Variants in PRB4 observed in about 807,000 individuals in gnomAD.
PRB4 encodes the protein basic salivary proline-rich protein 4.
PRB4 carries 14 observed loss-of-function variants against 9.1 expected under a neutral mutation model. The observed-to-expected ratio is 1.54, with a 90% CI of 1.02 to 2.41. The LOEUF (loss-of-function observed/expected upper bound fraction) is 2.41, where lower values mean the gene tolerates loss of function less well. Ranked by LOEUF, PRB4 falls within the 30% of genes most tolerant of loss-of-function variation. PRB4 has a pLI of 0.00. For synonymous variants in PRB4, 102 were observed against 108.5 expected, an observed-to-expected ratio of 0.94 and a Z score of 0.37; for missense variants, 381 against 299.3, an observed-to-expected ratio of 1.27 and a Z score of -2.02.
chr12:11,308,141 T>C lies in PRB4; in HGVS notation c.*18+80A>G, dbSNP rs191290296. On this transcript the variant is annotated intron_variant, in intron 3 of 3. Transcript: ENST00000279575. ...TCTAGGACAATACAATGTCAATGGGTTTTAGTTGATTCATTGGCACAATAA... is the reference window on the plus strand; with the variant it reads ...TCTAGGACAATACAATGTCAATGGGCTTTAGTTGATTCATTGGCACAATAA... 6 of 1,487,200 alleles carry C rather than the reference T, an allele frequency of 4.0e-6. No individual in the cohort carries two copies. The East Asian group carries it at 1.1e-4, about 28-fold the overall frequency. The allele number at this position is 1,487,200 out of a possible 1,614,324, so 92.1% of individuals were successfully genotyped here.
chr12:11,307,536 T>A lies in PRB4; in HGVS notation c.*19-337A>T, dbSNP rs571181141. 8.7e-4 allele frequency among the ~76,000 whole-genome samples: 132 copies of A among 152,304 alleles called. 1 individual carries two copies. The Middle Eastern group carries it at 0.014, about 16-fold the overall frequency. On this transcript the variant is annotated intron_variant, in intron 3 of 3. Coordinates refer to ENST00000279575, the MANE Select transcript of PRB4 (RefSeq NM_002723.6). Reference sequence around the variant, plus strand: ...CCTTCATAAACTGATGTGGAAATTTTAAAAAAATGTATTTTTTAAATGACT... The same window carrying A: ...CCTTCATAAACTGATGTGGAAATTTAAAAAAAATGTATTTTTTAAATGACT...
intron 1 of PRB4, 130 bp downstream of exon 1, chr12:11,310,205 G>C: frequency 8.9e-7 from 1 of 1,129,400 alleles, no homozygotes; most frequent in Non-Finnish European, 1.4e-6. Flanking sequence ...GGCACAACAG[G>C]TCTCCTGATC....
At chr12:11,309,493 C>A (rs1395432839) in intron 1 of PRB4, 88 bp from the exon 2 acceptor site, 6 of 1,609,690 alleles carry the variant, frequency 3.7e-6, no homozygotes, top group Middle Eastern at 1.7e-4. Context: ...TGTCTTCTCA[C>A]CACACCCCAT....
intron 1 of PRB4, 91 bp from the exon 2 acceptor site, chr12:11,309,496 C>T: frequency 6.2e-7 from 1 of 1,607,990 alleles, no homozygotes; most frequent in Non-Finnish European, 8.5e-7. Flanking sequence ...CTTCTCACCA[C>T]ACCCCATGCA....
intron 2 of PRB4, 31 bp from the exon 3 acceptor site, chr12:11,308,913 C>A (rs1249472323): frequency 6.2e-7 from 1 of 1,613,586 alleles, no homozygotes; most frequent in Non-Finnish European, 8.5e-7. Flanking sequence ...ACGGCATTCA[C>A]TGAATAGTTG....
At chr12:11,310,285 A>G (rs765723220) in intron 1 of PRB4, 50 bp downstream of exon 1, 5 of 1,604,602 alleles carry the variant, frequency 3.1e-6, no homozygotes, top group South Asian at 2.2e-5. Flanking sequence ...TACCACTGTC[A>G]CCTCCTAAGT....
intron 3 of PRB4, 60 bp from the exon 4 acceptor site, chr12:11,307,259 G>A (rs1220524266): frequency 6.6e-6 from 1 of 152,642 alleles, no homozygotes; most frequent in Non-Finnish European, 1.5e-5. Flanking sequence ...TGCACACAAT[G>A]TGCTCCAAAT....
chr12:11,309,345 A>G, intron 2 of PRB4, 25 bp downstream of exon 2: 1 of 1,614,136 alleles, frequency 6.2e-7, no homozygotes, highest in Non-Finnish European at 8.5e-7. Context: ...GAGTCAAAAC[A>G]GATTGAGAAT....
At chr12:11,308,162 A>C in intron 3 of PRB4, 59 bp downstream of exon 3, 1 of 1,540,558 alleles carries the variant, frequency 6.5e-7, no homozygotes, top group South Asian at 1.2e-5. Flanking sequence ...TCATTGGCAC[A>C]ATAAAGTTGG....
chr12:11,309,023 G>T (rs1052499929), intron 2 of PRB4, 141 bp from the exon 3 acceptor site: 10 of 1,294,984 alleles, frequency 7.7e-6, no homozygotes, highest in South Asian at 1.3e-5. Flanking sequence ...TAGAACTCTG[G>T]AGTGGAACGC....
At chr12:11,308,929 A>G (rs1331425073) in intron 2 of PRB4, 47 bp from the exon 3 acceptor site, 2 of 1,608,378 alleles carry the variant, frequency 1.2e-6, no homozygotes, top group Non-Finnish European at 1.7e-6. Flanking sequence ...AGTTGCCACA[A>G]ATTTTTACAG....
rs751917244 is a variant in PRB4 at position 11,308,560 on chromosome 12, T to C, written c.423A>G (p.Pro141=). 3.2e-6 allele frequency: 5 copies of C among 1,573,846 alleles called. No homozygotes were observed. Among genetic ancestry groups the C allele is most frequent in the Non-Finnish European group, 4.3e-6 (5 of 1,153,150 alleles). ...TACCTCCTTGTGGGGGTGGTCTTTC[T>C]GGCTTTCCTGGAGGAGGTGGGGGAC... ...SHRPPPPPGK[P]ERPPPQGGNQ... The change falls in exon 3 of 4, where the codon CCA becomes CCG. Residue 141 remains proline, a synonymous_variant. Coordinates refer to ENST00000279575, the MANE Select transcript of PRB4 (RefSeq NM_002723.6).
chr12:11,310,187 G>C, intron 1 of PRB4, 148 bp downstream of exon 1: 1 of 955,488 alleles, frequency 1.0e-6, no homozygotes, highest in Non-Finnish European at 1.7e-6. Flanking sequence ...TCCTTATTGT[G>C]GAATGAGGGC....
chr12:11,309,237 G>T, intron 2 of PRB4, 133 bp downstream of exon 2: 1 of 1,465,776 alleles, frequency 6.8e-7, no homozygotes, highest in Non-Finnish European at 9.4e-7. Flanking sequence ...CATGAAGATT[G>T]CCTATATCAT....
Position 11,308,229 on chromosome 12 carries a change from G to A in PRB4, c.*10C>T. 1.2e-6 allele frequency: 2 copies of A among 1,608,412 alleles called. No individual in the cohort carries two copies. Among genetic ancestry groups the A allele is most frequent in the Non-Finnish European group, 1.7e-6 (2 of 1,177,780 alleles). On this transcript the variant is annotated 3_prime_UTR_variant, in exon 3 of 4. Transcript: ENST00000279575. ...ATAAAGTGGAATCATACCTGTCATT[G>A]AATCCTAGATTACTGGGGAGGCTGT...
intron 2 of PRB4, among the ~76,000 whole-genome samples, 182 bp downstream of exon 2, chr12:11,309,188 C>A (rs545487946): frequency 1.3e-5 from 2 of 152,242 alleles, no homozygotes; most frequent in African/African-American, 2.4e-5. Context: ...TCTGACATTC[C>A]ATTTGGTGGC....
At position 11,308,360 on chromosome 12, in the gene PRB4, G is replaced by A. The variant is rs766647545; in HGVS notation, c.623C>T (p.Pro208Leu). 2 of 1,601,180 alleles carry A rather than the reference G, an allele frequency of 1.2e-6. No individual in the cohort carries two copies. Among genetic ancestry groups the A allele is most frequent in the Admixed American group, 1.7e-5 (1 of 59,642 alleles). The part of the protein sequence containing the change: ...PPPGKPQGPP[P>L]AGGNPQQPQA... ...AGGCTGCTGGGGATTGCCTCCTGCT[G>A]GGGGTGGGCCTTGTGGCTTTCCAGG... Residue 208 changes from proline to leucine, a missense_variant, in exon 3 of 4, where the codon CCA becomes CTA. Around this residue, in one of 3 missense-constraint regions of PRB4, gnomAD observed 204 missense variants for 134.4 expected, o/e 1.52. Coordinates refer to ENST00000279575, the MANE Select transcript of PRB4 (RefSeq NM_002723.6).
rs1337284442 is a variant in PRB4, at chr12:11,310,353, C to G, written c.46G>C (p.Ala16Pro). The G allele has an allele frequency of 6.2e-7, 1 of 1,614,114 alleles. No homozygotes were observed. The highest frequency in any genetic ancestry group is 1.3e-5 in the African/African-American group (1 of 74,932). ...GTTTTACCTTCACTTGAACTCTCAG[C>G]TGAGCTCAGGGCCAGCAGGGCCACT... ...LSVALLALSS[A>P]ESSSEDVSQE... The change falls in exon 1 of 4, where the codon GCT (alanine) becomes CCT (proline). Residue 16 changes from alanine to proline, a missense_variant. This residue lies in a region of PRB4 where 151 missense variants were observed against 105.8 expected (regional missense o/e 1.43). Coordinates refer to ENST00000279575, the MANE Select transcript of PRB4 (RefSeq NM_002723.6).
intron 1 of PRB4, 65 bp downstream of exon 1, chr12:11,310,269 CA>C: frequency 6.3e-7 from 1 of 1,592,412 alleles, no homozygotes; most frequent in South Asian, 1.1e-5. Context: ...CTCTCTTCCC[CA>C]TAATTACCAC....
Sources: allele counts gnomAD v4.1 joint callset (sites outside exome capture counted in the v4.1 genomes callset), GRCh38; gene constraint gnomAD v4.1.1; regional missense constraint gnomAD v4.1.1; transcripts MANE v1.5; gene names NCBI Gene and HGNC (gene_info 2026-07-23, HGNC 2026-07-21).